MAJIN: variants seen among roughly 807,000 people sequenced by gnomAD.
MAJIN encodes membrane anchored junction protein.
In MAJIN, 27 loss-of-function variants were observed where a neutral mutation model predicts 30.2. The observed-to-expected ratio is 0.89, with a 90% confidence interval of 0.66 to 1.23. The LOEUF (loss-of-function observed/expected upper bound fraction) is 1.23, where lower values mean the gene tolerates loss of function less well. MAJIN is among the 50% of genes most tolerant of loss of function. The pLI is 0.00. For missense variants in MAJIN, 253 were observed against 260.3 expected (o/e 0.97, Z 0.19); for synonymous variants, 78 against 91.6 (o/e 0.85, Z 0.85).
At chr11:64,964,063 C>A (rs1945768695) in intron 1 of MAJIN, among the ~76,000 whole-genome samples, 1 of 152,144 alleles carries the variant, frequency 6.6e-6, no homozygotes, top group South Asian at 2.1e-4. Flanking sequence ...CCTGTCTCAG[C>A]CTCCCACGTA....
At chr11:64,950,765 A>G (rs1945539828) in intron 4 of MAJIN, among the ~76,000 whole-genome samples, 1 of 151,852 alleles carries the variant, frequency 6.6e-6, no homozygotes, top group African/African-American at 2.4e-5. Flanking sequence ...TATTTTTTGT[A>G]GAGATGTGGT....
At chr11:64,967,961 T>C (rs1337900010) in intron 1 of MAJIN, among the ~76,000 whole-genome samples, 1 of 152,198 alleles carries the variant, frequency 6.6e-6, no homozygotes, top group Admixed American at 6.5e-5. Flanking sequence ...TGGCCAGTGA[T>C]GGCCTTTCAG....
intron 3 of MAJIN, 83 bp downstream of exon 3, chr11:64,959,222 G>A (rs774342709): frequency 1.1e-5 from 12 of 1,067,202 alleles, no homozygotes; most frequent in Admixed American, 1.9e-5. Flanking sequence ...TGAACTGGGT[G>A]AAGGTAAAGA....
chr11:64,968,828 T>A (rs1322135997), intron 1 of MAJIN, among the ~76,000 whole-genome samples: 14 of 145,132 alleles, frequency 9.6e-5, no homozygotes, highest in Admixed American at 2.7e-4. Context: ...CGAGACTCTG[T>A]CTCAAAAAAA....
chr11:64,956,253 T>G (rs1041006282), intron 3 of MAJIN, among the ~76,000 whole-genome samples: 2 of 152,038 alleles, frequency 1.3e-5, no homozygotes, highest in Non-Finnish European at 2.9e-5. Context: ...GAGCTGAGAT[T>G]GCACCATTGC....
At chr11:64,967,214 C>A (rs923746420) in intron 1 of MAJIN, among the ~76,000 whole-genome samples, 2 of 151,900 alleles carry the variant, frequency 1.3e-5, no homozygotes, top group Admixed American at 1.3e-4. Context: ...TCGAGACGAA[C>A]CTGGCCAACG....
rs556852514 is a variant in MAJIN at position 64,955,761 on chromosome 11, C to T, written c.102-959G>A. 2.1e-3 allele frequency among the ~76,000 whole-genome samples: 321 copies of T among 152,332 alleles called. 1 individual carries two copies. The highest frequency in any genetic ancestry group is 3.3e-3 in the Non-Finnish European group (225 of 68,032). Reference sequence around the variant, plus strand: ...ACTTTTAAGACTGTGGTGATATTAACAAATATTTTTCGATACTGTATAATG... The same window carrying T: ...ACTTTTAAGACTGTGGTGATATTAATAAATATTTTTCGATACTGTATAATG... On this transcript the variant is annotated intron_variant, in intron 3 of 10. Transcript: ENST00000301896.
chr11:64,945,280 C>G (rs1487382511), intron 8 of MAJIN, among the ~76,000 whole-genome samples: 1 of 152,040 alleles, frequency 6.6e-6, no homozygotes, highest in Non-Finnish European at 1.5e-5. Context: ...ATGGCGTGAA[C>G]CCAGGAGGCA....
chr11:64,948,583 C>T lies in MAJIN; in HGVS notation c.350-764G>A, dbSNP rs1365427651. On this transcript the variant is annotated intron_variant, in intron 6 of 10. Transcript: ENST00000301896. Reference sequence around the variant, plus strand: ...TAGCTGGGACTACAGGCATGCACCACCACCATGTCGGGCTACATCATATAT... The same window carrying T: ...TAGCTGGGACTACAGGCATGCACCATCACCATGTCGGGCTACATCATATAT... Among the ~76,000 whole-genome samples the T allele has an allele frequency of 2.7e-5, 3 of 110,840 alleles. No individual in the cohort carries two copies. The Admixed American group carries it at 3.7e-4, about 14-fold the overall frequency. 72.7% of individuals were successfully genotyped at this position (110,840 alleles called of 152,430 possible).
chr11:64,946,082 G>C, intron 8 of MAJIN: 1 of 1,533,132 alleles, frequency 6.5e-7, no homozygotes, highest in Admixed American at 2.0e-5. Context: ...CTCCATTTTA[G>C]TACTTACTCT....
chr11:64,952,604 G>C (rs1279533314), intron 4 of MAJIN, among the ~76,000 whole-genome samples: 1 of 152,212 alleles, frequency 6.6e-6, no homozygotes, highest in African/African-American at 2.4e-5. Flanking sequence ...TGTAGTCTAG[G>C]TTACATAACT....
intron 9 of MAJIN, 23 bp from the exon 10 acceptor site, chr11:64,939,790 G>A (rs1223095173): frequency 6.2e-7 from 1 of 1,608,734 alleles, no homozygotes; most frequent in Admixed American, 1.7e-5. Flanking sequence ...CAATCAGGCA[G>A]GAGCAAGATG....
At chr11:64,959,514 T>A in intron 2 of MAJIN, 92 bp from the exon 3 acceptor site, 1 of 939,632 alleles carries the variant, frequency 1.1e-6, no homozygotes, top group Non-Finnish European at 1.6e-6. Flanking sequence ...CATCTCTTCA[T>A]GAGTAAAATG....
intron 1 of MAJIN, among the ~76,000 whole-genome samples, chr11:64,964,532 G>A (rs1302573552): frequency 6.6e-6 from 1 of 151,924 alleles, no homozygotes; most frequent in East Asian, 1.9e-4. Flanking sequence ...AACCCTGGTC[G>A]CGCTCACCAC....
chr11:64,939,748 G>A lies in MAJIN; in HGVS notation c.566C>T (p.Ala189Val). The A allele has an allele frequency of 5.0e-6, 8 of 1,613,832 alleles. No homozygotes were observed. Among genetic ancestry groups the A allele is most frequent in the South Asian group, 1.1e-5 (1 of 91,062 alleles). Residue 189 changes from alanine (A) to valine (V), a missense_variant, in exon 10 of 11, where the codon GCC becomes GTC. Physicochemically the swap from Ala to Val is moderately conservative, Grantham distance 64. Coordinates refer to ENST00000301896, the MANE Select transcript of MAJIN (RefSeq NM_001037225.3). ...GGGGTGGGACAATTCGCCCTGGCAG[G>A]CTGTGTCCCCACTCAGAATCTGTAA... is the stretch of plus-strand genomic sequence containing the variant. ...SRNKILSGDT[A>V]CQGELSHPCS...
chr11:64,960,396 T>C (rs1945704293), intron 1 of MAJIN, among the ~76,000 whole-genome samples: 1 of 152,188 alleles, frequency 6.6e-6, no homozygotes, highest in East Asian at 1.9e-4. Context: ...ATAACAACTT[T>C]TGCCATGCCC....
chr11:64,948,588 A>C (rs1181914821), intron 6 of MAJIN, among the ~76,000 whole-genome samples: 1 of 93,284 alleles, frequency 1.1e-5, no homozygotes, highest in Non-Finnish European at 2.0e-5. Flanking sequence ...CACCACCACC[A>C]TGTCGGGCTA....
chr11:64,965,404 G>A (rs1945790196), intron 1 of MAJIN, among the ~76,000 whole-genome samples: 1 of 152,186 alleles, frequency 6.6e-6, no homozygotes, highest in African/African-American at 2.4e-5. Flanking sequence ...CAATAAACCA[G>A]AAAGGAGTCT....
At chr11:64,949,593 T>G in intron 6 of MAJIN, 150 bp downstream of exon 6, 1 of 940,600 alleles carries the variant, frequency 1.1e-6, no homozygotes, top group Admixed American at 2.5e-5. Flanking sequence ...ACCACCAGTA[T>G]TTGAACCGGT....
Sources: gnomAD v4.1 joint callset for allele counts (sites outside exome capture counted in the v4.1 genomes callset) on GRCh38, gnomAD v4.1.1 for gene constraint, MANE v1.5 for transcripts, NCBI Gene and HGNC (gene_info 2026-07-23, HGNC 2026-07-21) for gene names.